Variants in PRKCA observed in about 807,000 individuals in gnomAD.
The protein encoded by PRKCA is protein kinase C alpha type.
A neutral mutation model predicts 87.0 loss-of-function variants in PRKCA; 27 were observed. The observed-to-expected ratio is 0.31, with a 90% confidence interval of 0.23 to 0.43. PRKCA has a LOEUF of 0.43. PRKCA is among the 20% of genes least tolerant of loss of function. The probability of loss-of-function intolerance (pLI) is 1.00; values close to 1 mark genes in which losing one functional copy is unlikely to be tolerated. For missense variants in PRKCA, 518 were observed against 852.3 expected, an observed-to-expected ratio of 0.61 and a Z score of 4.88; for synonymous variants, 329 against 311.1, an observed-to-expected ratio of 1.06 and a Z score of -0.61.
chr17:66,380,425 A>T (rs2143584935), intron 2 of PRKCA, among the ~76,000 whole-genome samples: 1 of 152,272 alleles, frequency 6.6e-6, no homozygotes, highest in East Asian at 1.9e-4. Context: ...TCTTGTGAGG[A>T]TTAGAAAAGT....
At chr17:66,652,010 G>A (rs1197385277) in intron 5 of PRKCA, among the ~76,000 whole-genome samples, 2 of 152,126 alleles carry the variant, frequency 1.3e-5, no homozygotes, top group Non-Finnish European at 2.9e-5. Context: ...CCAGCCTGGA[G>A]TGCAATGGTG....
intron 2 of PRKCA, among the ~76,000 whole-genome samples, chr17:66,457,807 A>G (rs1914637237): frequency 6.6e-6 from 1 of 152,140 alleles, no homozygotes; most frequent in Non-Finnish European, 1.5e-5. Context: ...ACTGTGAGTC[A>G]ATTAAACCTC....
chr17:66,728,054 C>T (rs1456607948), intron 8 of PRKCA, among the ~76,000 whole-genome samples: 1 of 152,202 alleles, frequency 6.6e-6, no homozygotes, highest in Non-Finnish European at 1.5e-5. Flanking sequence ...GAGTTTCCTA[C>T]CATAACAGAG....
At chr17:66,541,068 C>T (rs1967970767) in intron 3 of PRKCA, among the ~76,000 whole-genome samples, 1 of 152,216 alleles carries the variant, frequency 6.6e-6, no homozygotes, top group East Asian at 1.9e-4. Flanking sequence ...TGTTTAGGGA[C>T]CATTCCAGCT....
At chr17:66,317,280 C>T (rs912236686) in intron 2 of PRKCA, among the ~76,000 whole-genome samples, 10 of 152,110 alleles carry the variant, frequency 6.6e-5, no homozygotes, top group South Asian at 2.1e-4. Context: ...GTGTTTTCAC[C>T]GTGGTCAGAA....
chr17:66,712,013 C>A (rs146500334), intron 8 of PRKCA, among the ~76,000 whole-genome samples: 4 of 152,104 alleles, frequency 2.6e-5, no homozygotes, highest in Admixed American at 6.6e-5. Flanking sequence ...TACTGCCCCC[C>A]CTCCACCCCG....
chr17:66,401,546 C>T lies in PRKCA; in HGVS notation c.206-94655C>T, dbSNP rs371557477. On this transcript the variant is annotated intron_variant, in intron 2 of 16. Coordinates refer to ENST00000413366, the MANE Select transcript of PRKCA (RefSeq NM_002737.3). ...CTCATGACGCATTCAGTGATGTGGA[C>T]GGCTTTGTGCTCTCTGCAGACCACT... Among the ~76,000 whole-genome samples, 8 of 152,210 alleles carry T rather than the reference C, an allele frequency of 5.3e-5. No individual in the cohort carries two copies. The South Asian group carries it at 1.2e-3, about 24-fold the overall frequency.
intron 8 of PRKCA, among the ~76,000 whole-genome samples, chr17:66,700,678 GA>G (rs1361964287): frequency 1.3e-5 from 2 of 151,976 alleles, no homozygotes; most frequent in African/African-American, 4.8e-5. Context: ...AACAATATAA[GA>G]AAACAATTGT....
intron 13 of PRKCA, among the ~76,000 whole-genome samples, chr17:66,749,816 G>A (rs1974390103): frequency 6.6e-6 from 1 of 152,134 alleles, no homozygotes; most frequent in African/African-American, 2.4e-5. Context: ...GTGATTGGAA[G>A]GGTGACTTCC....
intron 2 of PRKCA, among the ~76,000 whole-genome samples, chr17:66,332,951 G>A (rs1484813709): frequency 6.6e-6 from 1 of 152,106 alleles, no homozygotes; most frequent in Non-Finnish European, 1.5e-5. Context: ...TTGGCCTCCC[G>A]AAGTGCTGGG....
At chr17:66,311,467 G>GT (rs936625739) in intron 2 of PRKCA, among the ~76,000 whole-genome samples, 3 of 152,050 alleles carry the variant, frequency 2.0e-5, no homozygotes, top group Non-Finnish European at 4.4e-5. Context: ...AATAGAAAAA[G>GT]TAGCTGGGCA....
chr17:66,775,403 C>T, intron 14 of PRKCA: 1 of 984,954 alleles, frequency 1.0e-6, no homozygotes, highest in Non-Finnish European at 1.2e-6. Context: ...GCCTAGGTTC[C>T]ACTGGCCACT....
At chr17:66,445,832 TCTGG>T (rs1188340107) in intron 2 of PRKCA, among the ~76,000 whole-genome samples, 3 of 151,368 alleles carry the variant, frequency 2.0e-5, no homozygotes, top group Non-Finnish European at 4.4e-5. Context: ...TGAGACAGGG[TCTGG>T]CTCTGGCTCA....
chr17:66,710,080 C>G (rs1406675556), intron 8 of PRKCA, among the ~76,000 whole-genome samples: 2 of 152,172 alleles, frequency 1.3e-5, no homozygotes, highest in Admixed American at 6.5e-5. Flanking sequence ...AGACCACTTT[C>G]AGACATGGAA....
chr17:66,666,796 A>G (rs1972055175), intron 5 of PRKCA, among the ~76,000 whole-genome samples: 1 of 151,882 alleles, frequency 6.6e-6, no homozygotes, highest in African/African-American at 2.4e-5. Flanking sequence ...AGTAGTCGTA[A>G]CTCTCCATGC....
intron 3 of PRKCA, among the ~76,000 whole-genome samples, chr17:66,555,727 A>C (rs1381764128): frequency 1.4e-5 from 2 of 144,054 alleles, no homozygotes; most frequent in East Asian, 4.0e-4. Flanking sequence ...GGTTTAAAAA[A>C]AAATTTTTTT....
chr17:66,765,418 C>CTATATATATA (rs58356468), intron 13 of PRKCA, among the ~76,000 whole-genome samples: 1,098 of 48,992 alleles, frequency 0.022, 40 homozygotes, highest in Non-Finnish European at 0.026. Flanking sequence ...AAGACTTTGT[C>CTATATATATA]TATATATATA....
chr17:66,387,678 C>A (rs763257906), intron 2 of PRKCA, among the ~76,000 whole-genome samples: 15 of 152,200 alleles, frequency 9.9e-5, no homozygotes, highest in Non-Finnish European at 2.2e-4. Context: ...CCCTGAAAGT[C>A]CCCTGGTTCT....
chr17:66,786,033 T>G (rs1334044250), intron 14 of PRKCA, among the ~76,000 whole-genome samples: 2 of 152,176 alleles, frequency 1.3e-5, no homozygotes, highest in Non-Finnish European at 2.9e-5. Context: ...TTTCACCATG[T>G]TAGCCAGGAT....
Sources: allele counts gnomAD v4.1 joint callset (sites outside exome capture counted in the v4.1 genomes callset), GRCh38; gene constraint gnomAD v4.1.1; transcripts MANE v1.5; gene names NCBI Gene and HGNC (gene_info 2026-07-23, HGNC 2026-07-21).